The following MROH9 variants were observed in gnomAD, a reference collection of about 807,000 sequenced individuals.
MROH9 encodes maestro heat-like repeat-containing protein family member 9.
Under a neutral mutation model 98.2 loss-of-function variants are expected in MROH9, and 92 were observed. The ratio of observed to expected loss-of-function variants is 0.94; its 90% CI spans 0.79 to 1.11. MROH9 has a LOEUF of 1.11. Among genes scored for constraint, MROH9 ranks in the 50% most tolerant of loss-of-function variants. MROH9 has a pLI of 0.00. For missense variants in MROH9, 1,057 were observed against 1,014.8 expected (o/e 1.04, Z -0.57); for synonymous variants, 397 against 368.9 (o/e 1.08, Z -0.87).
chr1:171,016,156 T>C lies in MROH9; in HGVS notation c.1735-7T>C. 6.9e-7 allele frequency: 1 copy of C among 1,450,266 alleles called. No homozygotes were observed. The highest frequency in any genetic ancestry group is 9.1e-7 in the Non-Finnish European group (1 of 1,097,340). 89.8% of individuals were successfully genotyped at this position (1,450,266 alleles called of 1,614,324 possible). A position where few individuals can be genotyped will look rare whatever the true frequency, so the allele number is the denominator to read the frequency against. On this transcript the variant is annotated splice_polypyrimidine_tract_variant and splice_region_variant and intron_variant, in intron 16 of 21. Transcript: ENST00000367759. ...TAAATCCCACCATTTTTTCCTTTTA[T>C]ATGTAGACAGAAAATGTCAGCAGTA...
chr1:171,016,243 G>T lies in MROH9; in HGVS notation c.1815G>T (p.Leu605Phe). Residue 605 changes from leucine (L) to phenylalanine (F), a missense_variant, in exon 17 of 22, where the codon TTG becomes TTT. By Grantham distance (22) the Leu-to-Phe change is conservative. Coordinates refer to ENST00000367759, the MANE Select transcript of MROH9 (RefSeq NM_001163629.2). ...SKDDNVVLQA[L>F]LTLRRLLNEL... is the part of the protein sequence containing the mutation. The stretch of plus-strand genomic sequence containing the variant: ...ACGATAATGTTGTACTTCAGGCCTT[G>T]CTCACCCTTAGAAGGCTTTTAAACG... The T allele has an allele frequency of 6.5e-7, 1 of 1,540,784 alleles. No individual in the cohort carries two copies. The highest frequency in any genetic ancestry group is 1.7e-4 in the Middle Eastern group (1 of 5,964).
intron 20 of MROH9, among the ~76,000 whole-genome samples, chr1:171,031,083 T>G (rs956486469): frequency 6.6e-6 from 1 of 152,236 alleles, no homozygotes; most frequent in Non-Finnish European, 1.5e-5. Flanking sequence ...AAAGTCTGTT[T>G]TGTCAGAGAC....
intron 3 of MROH9, among the ~76,000 whole-genome samples, chr1:170,956,117 G>A (rs1649747745): frequency 6.6e-6 from 1 of 152,140 alleles, no homozygotes; most frequent in Non-Finnish European, 1.5e-5. Context: ...TCAAAGATCA[G>A]TTGGCTGTAA....
intron 1 of MROH9, among the ~76,000 whole-genome samples, chr1:170,937,775 G>A (rs867225594): frequency 6.6e-5 from 10 of 151,790 alleles, no homozygotes; most frequent in Admixed American, 1.3e-4. Flanking sequence ...CGCCCGCCTC[G>A]GCCTCCCAAA....
At chr1:171,030,565 G>A (rs541887391) in intron 20 of MROH9, among the ~76,000 whole-genome samples, 2 of 152,250 alleles carry the variant, frequency 1.3e-5, no homozygotes, top group African/African-American at 4.8e-5. Context: ...TTCAGGAGGA[G>A]GTTGTTCAAT....
At chr1:171,058,051 T>C (rs563731358) in intron 20 of MROH9, among the ~76,000 whole-genome samples, 7 of 152,240 alleles carry the variant, frequency 4.6e-5, no homozygotes, top group African/African-American at 1.2e-4. Context: ...AGTCAAAGTG[T>C]CTCTGTTTGC....
intron 3 of MROH9, among the ~76,000 whole-genome samples, chr1:170,952,922 T>C (rs1003692976): frequency 1.3e-5 from 2 of 152,024 alleles, no homozygotes; most frequent in African/African-American, 4.8e-5. Flanking sequence ...AAATCTTTAC[T>C]ACAGATAGCT....
intron 15 of MROH9, chr1:170,998,534 T>G: frequency 1.4e-6 from 2 of 1,422,820 alleles, no homozygotes; most frequent in Non-Finnish European, 1.8e-6. Flanking sequence ...ACTAATTATT[T>G]TTTAGGACCA....
chr1:170,986,871 G>C (rs780159268), intron 10 of MROH9, among the ~76,000 whole-genome samples, 161 bp downstream of exon 10: 1 of 152,062 alleles, frequency 6.6e-6, no homozygotes. Context: ...TTTACTTAGA[G>C]ACAGGGTCTT....
chr1:171,063,365 G>C (rs1305348148), intron 21 of MROH9, among the ~76,000 whole-genome samples: 1 of 146,564 alleles, frequency 6.8e-6, no homozygotes, highest in African/African-American at 2.5e-5. Context: ...TGATTCTCCT[G>C]CCTCAGCCTT....
At chr1:171,055,965 C>G (rs1191185956) in intron 20 of MROH9, among the ~76,000 whole-genome samples, 6 of 152,124 alleles carry the variant, frequency 3.9e-5, no homozygotes, top group Admixed American at 2.6e-4. Flanking sequence ...TCCTACCCAG[C>G]AGGGGGAACG....
In MROH9 at chr1:170,971,845, G is replaced by A. The variant is rs757148581; in HGVS notation, c.578G>A (p.Gly193Glu). ...TCGATTGTAAAACAAGCATCATTGG[G>A]AATGTGTCACCTCCTCTACATTGCA... The part of the protein sequence containing the change: ...DPSIVKQASL[G>E]MCHLLYIARC... The change falls in exon 8 of 22, where the codon GGA (glycine) becomes GAA (glutamate). Residue 193 changes from glycine to glutamate, a missense_variant. Gly to Glu is a moderately conservative substitution (Grantham distance 98). Coordinates refer to ENST00000367759, the MANE Select transcript of MROH9 (RefSeq NM_001163629.2). The A allele has an allele frequency of 3.7e-6, 6 of 1,613,902 alleles. No homozygotes were observed. Among genetic ancestry groups the A allele is most frequent in the Non-Finnish European group, 5.1e-6 (6 of 1,179,946 alleles).
chr1:171,017,609 G>T (rs73038295), intron 17 of MROH9, among the ~76,000 whole-genome samples: 9,540 of 152,166 alleles, frequency 0.063, 1,041 homozygotes, highest in African/African-American at 0.22. Context: ...GGGAGGGGTG[G>T]CAGCTGGCAC....
chr1:170,963,166 A>G (rs971769130), intron 6 of MROH9, among the ~76,000 whole-genome samples: 5 of 152,126 alleles, frequency 3.3e-5, no homozygotes, highest in Admixed American at 2.6e-4. Flanking sequence ...AAAGTGGGCA[A>G]AGGACATGAA....
chr1:171,026,182 G>A (rs1391765034), intron 20 of MROH9, among the ~76,000 whole-genome samples: 1 of 151,958 alleles, frequency 6.6e-6, no homozygotes, highest in African/African-American at 2.4e-5. Flanking sequence ...GAGAGGAGGG[G>A]CAGAACACAC....
intron 20 of MROH9, among the ~76,000 whole-genome samples, chr1:171,049,313 C>T (rs1364761918): frequency 1.3e-5 from 2 of 152,122 alleles, no homozygotes; most frequent in African/African-American, 4.8e-5. Context: ...GACTCCACTA[C>T]CCCCACCCCC....
chr1:171,005,308 T>G (rs1651919844), intron 15 of MROH9, among the ~76,000 whole-genome samples: 1 of 152,156 alleles, frequency 6.6e-6, no homozygotes, highest in African/African-American at 2.4e-5. Context: ...TGAGCTCAAG[T>G]GATCCACCCA....
intron 20 of MROH9, among the ~76,000 whole-genome samples, chr1:171,053,201 C>G (rs1212138856): frequency 1.3e-5 from 2 of 152,200 alleles, no homozygotes; most frequent in Admixed American, 6.5e-5. Context: ...CCTTCACCCA[C>G]TTCAAAGCAA....
intron 1 of MROH9, among the ~76,000 whole-genome samples, chr1:170,936,857 C>T (rs574805858): frequency 7.2e-5 from 10 of 139,552 alleles, no homozygotes; most frequent in African/African-American, 2.2e-4. Context: ...TTAATCATTT[C>T]GTGGGGTGGG....
Sources: gnomAD v4.1 joint callset for allele counts (sites outside exome capture counted in the v4.1 genomes callset) on GRCh38, gnomAD v4.1.1 for gene constraint, MANE v1.5 for transcripts, NCBI Gene and HGNC (gene_info 2026-07-23, HGNC 2026-07-21) for gene names.